Variants in TMEM178A observed in about 807,000 individuals in gnomAD.
TMEM178A encodes transmembrane protein 178A.
TMEM178A carries 12 observed loss-of-function variants against 29.1 expected under a neutral mutation model. The observed-to-expected ratio is 0.41, with a 90% CI of 0.26 to 0.67. TMEM178A has a LOEUF of 0.67. Ranked by LOEUF, TMEM178A falls within the 30% of genes least tolerant of loss-of-function variation. The probability of loss-of-function intolerance (pLI) is 0.29; values close to 1 mark genes in which losing one functional copy is unlikely to be tolerated. For missense variants in TMEM178A, 366 were observed against 419.1 expected (o/e 0.87, Z 1.11); for synonymous variants, 210 against 187.2 (o/e 1.12, Z -0.99).
the TMEM178A span, among the ~76,000 whole-genome samples, chr2:39,723,473 G>A: frequency 6.6e-6 from 1 of 152,142 alleles, no homozygotes; most frequent in African/African-American, 2.4e-5. Flanking sequence ...GATGGCAGTG[G>A]AGCCATATTA....
chr2:39,704,631 T>C (rs1045648970), intron 2 of TMEM178A, among the ~76,000 whole-genome samples: 7 of 152,234 alleles, frequency 4.6e-5, no homozygotes, highest in Non-Finnish European at 1.0e-4. Flanking sequence ...TATGAGTGTA[T>C]GTCATAATTT....
chr2:39,708,827 A>G (rs1476942983), intron 3 of TMEM178A, among the ~76,000 whole-genome samples: 1 of 152,140 alleles, frequency 6.6e-6, no homozygotes, highest in Non-Finnish European at 1.5e-5. Flanking sequence ...TGCTGAGTTG[A>G]TGGCTAACAC....
At chr2:39,716,033 C>G (rs1010712125) in intron 3 of TMEM178A, among the ~76,000 whole-genome samples, 1 of 152,134 alleles carries the variant, frequency 6.6e-6, no homozygotes, top group Non-Finnish European at 1.5e-5. Flanking sequence ...ATTTTCCAGT[C>G]AATAAATGTT....
rs563582856 is a variant in TMEM178A at position 39,717,304 on chromosome 2, C to T, written c.*53C>T. On this transcript the variant is annotated 3_prime_UTR_variant, in exon 4 of 4. Transcript: ENST00000281961. ...CGAGCGACTCCTGAGGGGAACAGCG[C>T]GGAGTTCAGGAGTCCAAGCACAAAG... is the stretch of plus-strand genomic sequence containing the variant. 3.2e-5 allele frequency: 51 copies of T among 1,577,250 alleles called. No homozygotes were observed. The highest frequency in any genetic ancestry group is 1.3e-4 in the South Asian group (11 of 85,446).
At chr2:39,731,839 C>A in the TMEM178A span, among the ~76,000 whole-genome samples, 5 of 152,194 alleles carry the variant, frequency 3.3e-5, no homozygotes, top group Admixed American at 6.5e-5. Context: ...GTCTCTGCAA[C>A]CATTGTCTAT....
chr2:39,681,314 C>A (rs996810890), intron 1 of TMEM178A, among the ~76,000 whole-genome samples: 4 of 152,204 alleles, frequency 2.6e-5, no homozygotes, highest in Admixed American at 1.3e-4. Context: ...CAGGGTCAGG[C>A]TGATTCTCAT....
chr2:39,672,107 T>G (rs1283009674), intron 1 of TMEM178A, among the ~76,000 whole-genome samples: 1 of 152,232 alleles, frequency 6.6e-6, no homozygotes, highest in Non-Finnish European at 1.5e-5. Flanking sequence ...AAGTGTGATA[T>G]TCAATGTTTC....
intron 1 of TMEM178A, among the ~76,000 whole-genome samples, chr2:39,674,990 G>A (rs987554394): frequency 6.6e-6 from 1 of 152,210 alleles, no homozygotes; most frequent in South Asian, 2.1e-4. Context: ...ATTTGCACTC[G>A]GGCTACAGAC....
intron 2 of TMEM178A, among the ~76,000 whole-genome samples, chr2:39,704,487 G>A (rs534678393): frequency 6.6e-6 from 1 of 152,278 alleles, no homozygotes; most frequent in Non-Finnish European, 1.5e-5. Flanking sequence ...TTGGGTGTAA[G>A]GACCTGCTGT....
chr2:39,705,006 A>C (rs1025080781), intron 2 of TMEM178A, among the ~76,000 whole-genome samples: 2 of 152,222 alleles, frequency 1.3e-5, no homozygotes, highest in Non-Finnish European at 2.9e-5. Flanking sequence ...ACATAAATGG[A>C]AGCTCTTATG....
intron 1 of TMEM178A, among the ~76,000 whole-genome samples, chr2:39,689,157 A>T (rs537975256): frequency 5.3e-5 from 8 of 152,328 alleles, no homozygotes; most frequent in African/African-American, 1.9e-4. Flanking sequence ...TTCTATCAAG[A>T]CACCTGGAAG....
chr2:39,703,785 C>T (rs1311847896), intron 1 of TMEM178A, among the ~76,000 whole-genome samples: 1 of 152,158 alleles, frequency 6.6e-6, no homozygotes, highest in Non-Finnish European at 1.5e-5. Context: ...CTGATTTTCC[C>T]AACCATCTGT....
intron 1 of TMEM178A, among the ~76,000 whole-genome samples, chr2:39,684,313 A>G (rs918236938): frequency 3.9e-5 from 6 of 152,178 alleles, no homozygotes; most frequent in African/African-American, 1.4e-4. Flanking sequence ...TCATATATAC[A>G]TGCTTATTGT....
chr2:39,670,496 A>G (rs1339972661), intron 1 of TMEM178A, among the ~76,000 whole-genome samples: 1 of 152,248 alleles, frequency 6.6e-6, no homozygotes, highest in Non-Finnish European at 1.5e-5. Flanking sequence ...GTAGGAGAAT[A>G]CTTTGGGATG....
chr2:39,731,254 A>G, the TMEM178A span, among the ~76,000 whole-genome samples: 1 of 152,232 alleles, frequency 6.6e-6, no homozygotes, highest in Non-Finnish European at 1.5e-5. Context: ...GGTCTTCAAT[A>G]TAATTCCCCT....
chr2:39,673,107 A>T (rs995453727), intron 1 of TMEM178A, among the ~76,000 whole-genome samples: 3 of 152,220 alleles, frequency 2.0e-5, no homozygotes, highest in African/African-American at 7.2e-5. Context: ...GATTATAATC[A>T]CAGATTATTC....
At chr2:39,686,590 A>T (rs1234411095) in intron 1 of TMEM178A, among the ~76,000 whole-genome samples, 1 of 150,190 alleles carries the variant, frequency 6.7e-6, no homozygotes, top group Non-Finnish European at 1.5e-5. Context: ...AGGAATGCTG[A>T]TGTGCTGCAG....
chr2:39,679,694 C>T (rs1670788225), intron 1 of TMEM178A, among the ~76,000 whole-genome samples: 1 of 152,156 alleles, frequency 6.6e-6, no homozygotes. Context: ...ATATATTGGT[C>T]ATACTTTGCC....
At chr2:39,709,655 C>T (rs1009028833) in intron 3 of TMEM178A, among the ~76,000 whole-genome samples, 1 of 152,154 alleles carries the variant, frequency 6.6e-6, no homozygotes, top group Non-Finnish European at 1.5e-5. Flanking sequence ...AAATCTCCCC[C>T]GTTTTCTTCT....
Sources: allele counts gnomAD v4.1 joint callset (sites outside exome capture counted in the v4.1 genomes callset), GRCh38; gene constraint gnomAD v4.1.1; transcripts MANE v1.5; gene names NCBI Gene and HGNC (gene_info 2026-07-23, HGNC 2026-07-21).